Variants in MGAT5 observed in about 807,000 individuals in gnomAD.
The protein encoded by MGAT5 is alpha-1,6-mannosylglycoprotein 6-beta-N-acetylglucosaminyltransferase.
A neutral mutation model predicts 94.3 loss-of-function variants in MGAT5; 30 were observed. The observed-to-expected ratio is 0.32, with a 90% confidence interval of 0.24 to 0.43. MGAT5 has a LOEUF of 0.43. Ranked by LOEUF, MGAT5 falls within the 20% of genes least tolerant of loss-of-function variation. The pLI is 1.00. For missense variants in MGAT5, 691 were observed against 905.5 expected, an observed-to-expected ratio of 0.76 and a Z score of 3.04; for synonymous variants, 310 against 322.9, an observed-to-expected ratio of 0.96 and a Z score of 0.43.
At chr2:134,124,344 CCTGA>C (rs1299288271) in intron 1 of MGAT5, among the ~76,000 whole-genome samples, 1 of 152,170 alleles carries the variant, frequency 6.6e-6, no homozygotes, top group Non-Finnish European at 1.5e-5. Context: ...TGCATCCTTC[CCTGA>C]CTTTGTCATA....
chr2:134,355,077 G>A (rs6728232), intron 9 of MGAT5, among the ~76,000 whole-genome samples: 152,254 of 152,340 alleles, frequency 1, 76,084 homozygotes, highest in East Asian at 1. Context: ...TCCTGGCCCC[G>A]GTCTCACCAA....
chr2:134,342,531 C>G (rs1688690267), intron 7 of MGAT5, among the ~76,000 whole-genome samples: 1 of 152,042 alleles, frequency 6.6e-6, no homozygotes. Context: ...GTAGGTAGAT[C>G]ACTTGAGGCC....
chr2:134,395,030 T>C (rs1682627654), intron 10 of MGAT5, among the ~76,000 whole-genome samples: 1 of 152,186 alleles, frequency 6.6e-6, no homozygotes, highest in African/African-American at 2.4e-5. Flanking sequence ...AGAAAGCTCT[T>C]GGAGGAGTTT....
intron 8 of MGAT5, among the ~76,000 whole-genome samples, chr2:134,347,523 A>G (rs1274081541): frequency 3.9e-5 from 6 of 152,242 alleles, no homozygotes; most frequent in Non-Finnish European, 8.8e-5. Flanking sequence ...AGAGAAGAGT[A>G]TATCGTTAGC....
At chr2:134,199,753 C>T (rs932457160) in intron 1 of MGAT5, among the ~76,000 whole-genome samples, 5 of 151,998 alleles carry the variant, frequency 3.3e-5, no homozygotes, top group Non-Finnish European at 7.4e-5. Flanking sequence ...TTATTTGAAC[C>T]TTCAACTGTG....
At position 134,343,841 on chromosome 2, in the gene MGAT5, A is replaced by C. The variant is rs117915841; in HGVS notation, c.978-1089A>C. Among the ~76,000 whole-genome samples the C allele has an allele frequency of 1.4e-3, 211 of 152,306 alleles. 4 individuals carry two copies. The East Asian group carries it at 0.029, about 21-fold the overall frequency. ...TTACGTATCATATATAGCTGTCTTC[A>C]TTCCACAACGGGAGAATGGGCCAGT... On this transcript the variant is annotated intron_variant, in intron 7 of 15. Transcript: ENST00000281923.
At chr2:134,141,153 C>T (rs1476593090) in intron 1 of MGAT5, among the ~76,000 whole-genome samples, 2 of 152,188 alleles carry the variant, frequency 1.3e-5, no homozygotes, top group Non-Finnish European at 2.9e-5. Context: ...CCCTCTCGGT[C>T]TCACATGCTT....
At chr2:134,217,622 G>A (rs936260635) in intron 1 of MGAT5, among the ~76,000 whole-genome samples, 1 of 152,208 alleles carries the variant, frequency 6.6e-6, no homozygotes, top group Non-Finnish European at 1.5e-5. Context: ...GACTTTGGGT[G>A]ATTTCCCAAA....
intron 1 of MGAT5, among the ~76,000 whole-genome samples, chr2:134,247,936 G>C (rs571112708): frequency 1.3e-5 from 2 of 152,126 alleles, no homozygotes. Flanking sequence ...CTCCAAGAAA[G>C]GTTCCCGGGT....
Position 134,327,710 on chromosome 2 carries a change from G to A in MGAT5, c.574-8507G>A, listed in dbSNP as rs192832053. 9.2e-5 allele frequency among the ~76,000 whole-genome samples: 14 copies of A among 152,236 alleles called. No individual in the cohort carries two copies. The East Asian group carries it at 1.9e-3, about 21-fold the overall frequency. On this transcript the variant is annotated intron_variant, in intron 4 of 15. Coordinates refer to ENST00000281923, the MANE Select transcript of MGAT5 (RefSeq NM_002410.5). ...AGCTGAAATATTAGAAAGTGAAGCC[G>A]TGGATAAGAGAGGACTACTGTAATG...
rs117823635 is a variant in MGAT5 at position 134,386,025 on chromosome 2, C to A, written c.1381-16963C>A. Among the ~76,000 whole-genome samples the A allele has an allele frequency of 6.2e-4, 95 of 152,216 alleles. 2 individuals carry two copies. In the East Asian group the frequency reaches 0.016, roughly 25 times the overall value. On this transcript the variant is annotated intron_variant, in intron 10 of 15. Transcript: ENST00000281923. Reference sequence around the variant, plus strand: ...ATGTAAGAAGCACCTTGTTATCCGGCGGAACCACAACACAGTAAGCACTGG... The same window carrying A: ...ATGTAAGAAGCACCTTGTTATCCGGAGGAACCACAACACAGTAAGCACTGG...
chr2:134,412,844 C>T (rs757172906), intron 11 of MGAT5, 25 bp from the exon 12 acceptor site: 92 of 1,613,372 alleles, frequency 5.7e-5, no homozygotes, highest in Non-Finnish European at 7.5e-5. Context: ...TGTGTTCATA[C>T]GCTGTGTGGT....
chr2:134,191,002 G>A (rs1452524178), intron 1 of MGAT5, among the ~76,000 whole-genome samples: 1 of 152,156 alleles, frequency 6.6e-6, no homozygotes, highest in East Asian at 1.9e-4. Context: ...TGCCCAGGCT[G>A]GTCTCCAATT....
intron 1 of MGAT5, among the ~76,000 whole-genome samples, chr2:134,175,710 A>G (rs915216428): frequency 1.3e-5 from 2 of 152,110 alleles, no homozygotes; most frequent in Non-Finnish European, 2.9e-5. Flanking sequence ...ATACTTCATC[A>G]TAGTTGATGC....
At chr2:134,252,407 T>G (rs1425887559), upstream of MGAT5, among the ~76,000 whole-genome samples, 5 of 152,158 alleles carry the variant, frequency 3.3e-5, no homozygotes, top group African/African-American at 4.8e-5. Context: ...TGAGCCTCAT[T>G]TTAATAGGCA....
rs1179179678 is a variant in MGAT5, at chr2:134,384,274, G to GC, written c.1381-18713dup. On this transcript the variant is annotated intron_variant, in intron 10 of 15. Transcript: ENST00000281923. The stretch of plus-strand genomic sequence containing the variant: ...GATGTACGCTGTGCCCAAGTCCTAG[G>GC]CTTTTTCTCTCTCTCTCTCCGGGCA... 3.3e-5 allele frequency among the ~76,000 whole-genome samples: 5 copies of GC among 151,116 alleles called. No homozygotes were observed. In the East Asian group the frequency reaches 5.8e-4, roughly 18 times the overall value.
chr2:134,345,011 T>G lies in MGAT5; in HGVS notation c.1059T>G (p.Ile353Met). Residue 353 changes from isoleucine (I) to methionine (M), a missense_variant, in exon 8 of 16, where the codon ATT becomes ATG. Physicochemically the swap from Ile to Met is conservative, Grantham distance 10 (BLOSUM62 1). Transcript: ENST00000281923. ...DRIVELIYID[I>M]VGLAQFKKTL... Reference sequence around the variant, plus strand: ...TTGTTGAGCTCATTTACATTGATATTGTAGGACTTGCTCAATTCAAGAAAA... The same window carrying G: ...TTGTTGAGCTCATTTACATTGATATGGTAGGACTTGCTCAATTCAAGAAAA... 6.2e-7 allele frequency: 1 copy of G among 1,613,638 alleles called. No individual in the cohort carries two copies. The highest frequency in any genetic ancestry group is 1.1e-5 in the South Asian group (1 of 91,044).
intron 2 of MGAT5, among the ~76,000 whole-genome samples, chr2:134,300,244 G>A (rs1312443475): frequency 2.0e-5 from 3 of 152,076 alleles, no homozygotes; most frequent in Admixed American, 2.0e-4. Context: ...TACTTACACT[G>A]GCACTTACTG....
chr2:134,192,333 A>AT (rs1442959670), intron 1 of MGAT5, among the ~76,000 whole-genome samples: 1 of 152,162 alleles, frequency 6.6e-6, no homozygotes, highest in Non-Finnish European at 1.5e-5. Context: ...ATGCCCTCAA[A>AT]TGCAGGCCCC....
Sources: gnomAD v4.1 joint callset for allele counts (sites outside exome capture counted in the v4.1 genomes callset) on GRCh38, gnomAD v4.1.1 for gene constraint, MANE v1.5 for transcripts, NCBI Gene and HGNC (gene_info 2026-07-23, HGNC 2026-07-21) for gene names.